VPS54: variants seen among roughly 807,000 people sequenced by gnomAD.
VPS54 encodes the protein VPS54 subunit of GARP complex, also known as vacuolar protein sorting-associated protein 54.
VPS54 carries 45 observed loss-of-function variants against 121.5 expected under a neutral mutation model. The ratio of observed to expected loss-of-function variants is 0.37; its 90% CI spans 0.29 to 0.47. The LOEUF is 0.47. Ranked by LOEUF, VPS54 falls within the 20% of genes least tolerant of loss-of-function variation. The pLI is 0.99. For synonymous variants in VPS54, 371 were observed against 385.8 expected (o/e 0.96, Z 0.45); for missense variants, 1,090 against 1,131.4 (o/e 0.96, Z 0.52).
chr2:63,916,646 T>G (rs542043861), intron 16 of VPS54, among the ~76,000 whole-genome samples: 7 of 152,212 alleles, frequency 4.6e-5, no homozygotes, highest in African/African-American at 1.7e-4. Context: ...TTGTCTAGAT[T>G]TCTTGTTATA....
chr2:63,962,532 T>C (rs1675817487), intron 6 of VPS54, 89 bp from the exon 7 acceptor site: 3 of 1,404,696 alleles, frequency 2.1e-6, no homozygotes, highest in Non-Finnish European at 1.9e-6. Flanking sequence ...AAAAGATTTC[T>C]ACATATACTT....
At chr2:63,941,882 A>T (rs1411107373) in intron 11 of VPS54, among the ~76,000 whole-genome samples, 2 of 151,960 alleles carry the variant, frequency 1.3e-5, no homozygotes, top group Non-Finnish European at 2.9e-5. Context: ...AAACATGCAA[A>T]AATTAGCCAG....
intron 9 of VPS54, 143 bp from the exon 10 acceptor site, chr2:63,944,798 A>G (rs1361119723): frequency 9.6e-6 from 6 of 623,320 alleles, no homozygotes; most frequent in Middle Eastern, 4.4e-4. Flanking sequence ...TGGCCAACAT[A>G]ACTGATCATT....
chr2:63,984,690 TTAAG>T (rs1038485899), intron 1 of VPS54, among the ~76,000 whole-genome samples: 6 of 152,236 alleles, frequency 3.9e-5, no homozygotes, highest in South Asian at 4.1e-4. Flanking sequence ...TGCAACTGTA[TTAAG>T]TAATTAAAAC....
chr2:63,980,956 C>G (rs1027759835), intron 3 of VPS54, among the ~76,000 whole-genome samples: 2 of 151,706 alleles, frequency 1.3e-5, no homozygotes, highest in African/African-American at 4.8e-5. Flanking sequence ...GAACCAGATG[C>G]TATATAGTAT....
At chr2:64,015,749 TA>T (rs1424193297) in intron 1 of VPS54, among the ~76,000 whole-genome samples, 3 of 149,318 alleles carry the variant, frequency 2.0e-5, no homozygotes, top group Non-Finnish European at 4.5e-5. Flanking sequence ...TATATTTTTT[TA>T]AAATTTGGAT....
At chr2:63,914,037 T>C in intron 17 of VPS54, 145 bp downstream of exon 17, 1 of 1,027,612 alleles carries the variant, frequency 9.7e-7, no homozygotes, top group Non-Finnish European at 1.4e-6. Context: ...CAATAACATG[T>C]TGTGATTCAA....
chr2:64,017,866 C>T (rs923019855), intron 1 of VPS54, among the ~76,000 whole-genome samples: 2 of 152,158 alleles, frequency 1.3e-5, no homozygotes, highest in South Asian at 4.1e-4. Flanking sequence ...ATGAGCACTA[C>T]GAACCATCAA....
At chr2:63,918,045 T>C (rs546016730) in intron 15 of VPS54, among the ~76,000 whole-genome samples, 40 of 152,146 alleles carry the variant, frequency 2.6e-4, no homozygotes, top group African/African-American at 9.1e-4. Context: ...GCTGAGTGGA[T>C]AGTAACCCAA....
intron 1 of VPS54, among the ~76,000 whole-genome samples, chr2:63,999,459 C>T (rs112867111): frequency 1.9e-4 from 29 of 152,300 alleles, no homozygotes; most frequent in African/African-American, 6.5e-4. Flanking sequence ...AGTCTACTGC[C>T]AGCCATATTG....
intron 21 of VPS54, among the ~76,000 whole-genome samples, chr2:63,898,535 G>A (rs1483725655): frequency 6.6e-6 from 1 of 152,042 alleles, no homozygotes; most frequent in Non-Finnish European, 1.5e-5. Context: ...GTTTGAGGTA[G>A]CATAGGAAAG....
intron 7 of VPS54, among the ~76,000 whole-genome samples, chr2:63,949,418 A>C (rs1284614207): frequency 6.6e-6 from 1 of 152,184 alleles, no homozygotes; most frequent in Non-Finnish European, 1.5e-5. Context: ...TGCAATCAGA[A>C]ATCTGTGTAT....
intron 17 of VPS54, 141 bp downstream of exon 17, chr2:63,914,041 G>C (rs924890792): frequency 9.8e-7 from 1 of 1,016,888 alleles, no homozygotes; most frequent in African/African-American, 1.6e-5. Context: ...AACATGTTGT[G>C]ATTCAACCAC....
At chr2:64,000,734 A>G (rs1175810227) in intron 1 of VPS54, among the ~76,000 whole-genome samples, 1 of 152,202 alleles carries the variant, frequency 6.6e-6, no homozygotes, top group Admixed American at 6.5e-5. Context: ...TCCCAAACAA[A>G]TGAAGTCTCT....
rs1468112664 is a variant in VPS54 at position 63,928,277 on chromosome 2, C to T, written c.1739+5396G>A. 3.3e-5 allele frequency among the ~76,000 whole-genome samples: 5 copies of T among 152,174 alleles called. 1 individual carries two copies. The highest frequency in any genetic ancestry group is 3.3e-4 in the Admixed American group (5 of 15,280). ...GCAGCCAGAGAGAAAGGTCAGGTTA[C>T]CCACAAAGGGAAGCCCATCAGACTA... On this transcript the variant is annotated intron_variant, in intron 12 of 22. Coordinates refer to ENST00000272322, the MANE Select transcript of VPS54 (RefSeq NM_016516.3).
At chr2:63,942,736 A>G (rs932557170) in intron 10 of VPS54, among the ~76,000 whole-genome samples, 175 bp from the exon 11 acceptor site, 8 of 152,214 alleles carry the variant, frequency 5.3e-5, no homozygotes, top group African/African-American at 1.4e-4. Context: ...GCTTATTTAA[A>G]TATTTTTAAG....
chr2:63,949,268 T>C, intron 7 of VPS54, 105 bp from the exon 8 acceptor site: 2 of 1,072,182 alleles, frequency 1.9e-6, no homozygotes, highest in Middle Eastern at 3.2e-4. Context: ...TGACAGTACC[T>C]GTGCAATAAT....
At chr2:63,960,537 T>G (rs932334927) in intron 7 of VPS54, among the ~76,000 whole-genome samples, 2 of 152,136 alleles carry the variant, frequency 1.3e-5, no homozygotes, top group Non-Finnish European at 2.9e-5. Context: ...TTAGAACAAT[T>G]TGAGAATTTG....
At chr2:63,895,579 A>G (rs116776377) in intron 22 of VPS54, among the ~76,000 whole-genome samples, 1 of 152,238 alleles carries the variant, frequency 6.6e-6, no homozygotes, top group Non-Finnish European at 1.5e-5. Flanking sequence ...GTTACGCATC[A>G]CTGTGAAGAC....
Sources: gnomAD v4.1 joint callset for allele counts (sites outside exome capture counted in the v4.1 genomes callset) on GRCh38, gnomAD v4.1.1 for gene constraint, MANE v1.5 for transcripts, NCBI Gene and HGNC (gene_info 2026-07-23, HGNC 2026-07-21) for gene names.